Variants in RARB observed in about 807,000 individuals in gnomAD.
RARB encodes the protein retinoic acid receptor beta.
Under a neutral mutation model 51.9 loss-of-function variants are expected in RARB, and 17 were observed. The ratio of observed to expected loss-of-function variants is 0.33; its 90% CI spans 0.22 to 0.49. The LOEUF (loss-of-function observed/expected upper bound fraction) is 0.49, where lower values mean the gene tolerates loss of function less well. Ranked by LOEUF, RARB falls within the 20% of genes least tolerant of loss-of-function variation. The pLI is 0.99. For synonymous variants in RARB, 215 were observed against 195.4 expected, an observed-to-expected ratio of 1.10 and a Z score of -0.84; for missense variants, 369 against 550.8, an observed-to-expected ratio of 0.67 and a Z score of 3.30.
chr3:25,478,202 A>C (rs1696053514), intron 2 of RARB, among the ~76,000 whole-genome samples: 1 of 152,210 alleles, frequency 6.6e-6, no homozygotes, highest in South Asian at 2.1e-4. Flanking sequence ...TGGTTAAAGC[A>C]GCCACAGATC....
In RARB at chr3:24,998,927, A is replaced by G. The variant is rs572284275; in HGVS notation, c.-379-61198A>G. On this transcript the variant is annotated intron_variant, in intron 2 of 11. Transcript: ENST00000383772. ...TAGGATCTTTCACATGTCTGATTCT[A>G]TTATCTTGCAGAAGTCACCTGCAAA... 4.3e-4 allele frequency among the ~76,000 whole-genome samples: 66 copies of G among 152,254 alleles called. 1 individual carries two copies. Among genetic ancestry groups the G allele is most frequent in the Admixed American group, 1.3e-3 (20 of 15,280 alleles).
chr3:24,862,664 A>G (rs1213223040), intron 2 of RARB, among the ~76,000 whole-genome samples: 1 of 152,182 alleles, frequency 6.6e-6, no homozygotes, highest in African/African-American at 2.4e-5. Context: ...TAGCATATAT[A>G]GGGTTTATAT....
At chr3:25,514,607 G>GT (rs1324379514) in intron 3 of RARB, among the ~76,000 whole-genome samples, 1 of 151,758 alleles carries the variant, frequency 6.6e-6, no homozygotes, top group Non-Finnish European at 1.5e-5. Context: ...TTCTTTGCTT[G>GT]TTTTTTTGGG....
chr3:25,205,746 CTT>C (rs35271565), intron 5 of RARB, among the ~76,000 whole-genome samples: 1 of 147,530 alleles, frequency 6.8e-6, no homozygotes, highest in Non-Finnish European at 1.5e-5. Context: ...TATTAAAAAC[CTT>C]TTTTTTTTTC....
chr3:24,943,930 A>G (rs1301723081), intron 2 of RARB, among the ~76,000 whole-genome samples: 1 of 152,222 alleles, frequency 6.6e-6, no homozygotes, highest in Non-Finnish European at 1.5e-5. Context: ...TTTCAAAGTG[A>G]AAGTGAGGAG....
At chr3:25,054,129 TAGTG>T (rs1317580396) in intron 2 of RARB, among the ~76,000 whole-genome samples, 2 of 152,146 alleles carry the variant, frequency 1.3e-5, no homozygotes, top group East Asian at 3.9e-4. Context: ...TGAGGTGAGT[TAGTG>T]AGACTTGTGT....
At chr3:25,251,388 A>G (rs2125401943) in intron 5 of RARB, among the ~76,000 whole-genome samples, 1 of 152,238 alleles carries the variant, frequency 6.6e-6, no homozygotes, top group South Asian at 2.1e-4. Flanking sequence ...TATATACCCA[A>G]GAGTGGAATT....
intron 5 of RARB, among the ~76,000 whole-genome samples, chr3:25,209,796 C>G (rs1701646928): frequency 6.6e-6 from 1 of 152,140 alleles, no homozygotes. Context: ...AACTTCTTCC[C>G]TTAGGTTGGA....
intron 4 of RARB, among the ~76,000 whole-genome samples, chr3:25,135,141 G>T (rs539493103): frequency 6.6e-6 from 1 of 151,694 alleles, no homozygotes; most frequent in East Asian, 1.9e-4. Flanking sequence ...AACTTTCTGG[G>T]GTGGTAGAAA....
intron 3 of RARB, among the ~76,000 whole-genome samples, chr3:25,124,653 C>T (rs1049550314): frequency 6.6e-6 from 1 of 152,190 alleles, no homozygotes; most frequent in Non-Finnish European, 1.5e-5. Flanking sequence ...TGTCTTGCTC[C>T]TTGTGAACCT....
intron 2 of RARB, among the ~76,000 whole-genome samples, chr3:24,899,026 C>T (rs1284139455): frequency 1.3e-5 from 2 of 152,294 alleles, no homozygotes; most frequent in Non-Finnish European, 2.9e-5. Context: ...AAAGTGTGGT[C>T]CGCAGACCAG....
At chr3:25,581,042 T>C (rs957090882) in intron 5 of RARB, among the ~76,000 whole-genome samples, 4 of 152,098 alleles carry the variant, frequency 2.6e-5, no homozygotes, top group African/African-American at 9.7e-5. Context: ...TCATCACATA[T>C]GCTCTCAGGA....
At position 25,428,590 on chromosome 3, in the gene RARB, G is replaced by A; in HGVS notation, c.-142G>A. The A allele has an allele frequency of 7.2e-7, 1 of 1,384,650 alleles. No homozygotes were observed. The highest frequency in any genetic ancestry group is 2.0e-5 in the South Asian group (1 of 51,202). 85.8% of individuals were successfully genotyped at this position (1,384,650 alleles called of 1,614,324 possible). Reference sequence around the variant, plus strand: ...AGCTGGCTTGTCTGTCATAATTCATGATTCGGGGCTGGGAAAAAGACCAAC... The same window carrying A: ...AGCTGGCTTGTCTGTCATAATTCATAATTCGGGGCTGGGAAAAAGACCAAC... On this transcript the variant is annotated 5_prime_UTR_variant, in exon 1 of 8. An upstream start codon of the reference 5' UTR is lost. Coordinates refer to ENST00000330688, the MANE Select transcript of RARB (RefSeq NM_000965.5).
chr3:24,902,732 T>A (rs76638371), intron 2 of RARB, among the ~76,000 whole-genome samples: 7,943 of 152,054 alleles, frequency 0.052, 391 homozygotes, highest in East Asian at 0.17. Context: ...TGTTTTGAAA[T>A]GGAAAAAAAA....
At chr3:25,427,076 A>G (rs1391803351), upstream of RARB, among the ~76,000 whole-genome samples, 2 of 152,172 alleles carry the variant, frequency 1.3e-5, no homozygotes, top group Non-Finnish European at 2.9e-5. Flanking sequence ...ATGTGGTGGG[A>G]TGTGTGTAGG....
chr3:25,207,582 C>T (rs1462123678), intron 5 of RARB, among the ~76,000 whole-genome samples: 1 of 152,144 alleles, frequency 6.6e-6, no homozygotes, highest in Non-Finnish European at 1.5e-5. Flanking sequence ...CCCTTCCCTC[C>T]TCATTTTTTC....
intron 4 of RARB, among the ~76,000 whole-genome samples, chr3:25,149,772 G>C (rs111833996): frequency 3.3e-4 from 50 of 152,244 alleles, no homozygotes; most frequent in African/African-American, 9.1e-4. Flanking sequence ...AAATGAAGAA[G>C]GTCTCCATTT....
intron 2 of RARB, among the ~76,000 whole-genome samples, chr3:25,057,987 C>A (rs1216447864): frequency 6.6e-6 from 1 of 151,810 alleles, no homozygotes; most frequent in Admixed American, 6.6e-5. Context: ...AAACTATTCC[C>A]CTCTTGATGC....
At chr3:24,864,785 T>C (rs544973251) in intron 2 of RARB, among the ~76,000 whole-genome samples, 1 of 152,332 alleles carries the variant, frequency 6.6e-6, no homozygotes, top group African/African-American at 2.4e-5. Flanking sequence ...ACTATCAATC[T>C]TTTACAAAAA....
Sources: allele counts gnomAD v4.1 joint callset (sites outside exome capture counted in the v4.1 genomes callset), GRCh38; gene constraint gnomAD v4.1.1; transcripts MANE v1.5; gene names NCBI Gene and HGNC (gene_info 2026-07-23, HGNC 2026-07-21).